Variants in HAUS8 observed in about 807,000 individuals in gnomAD.
The protein encoded by HAUS8 is HAUS augmin-like complex subunit 8.
In HAUS8, 38 loss-of-function variants were observed where a neutral mutation model predicts 42.9. That is an observed-to-expected ratio of 0.89 (90% CI 0.68 to 1.16). The LOEUF is 1.16. HAUS8 is among the 50% of genes most tolerant of loss of function. The pLI is 0.00. For synonymous variants in HAUS8, 199 were observed against 205.8 expected, an observed-to-expected ratio of 0.97 and a Z score of 0.28; for missense variants, 494 against 511.6, an observed-to-expected ratio of 0.97 and a Z score of 0.33.
chr19:17,059,030 T>C (rs2057343716), intron 6 of HAUS8, among the ~76,000 whole-genome samples, 154 bp from the exon 7 acceptor site: 1 of 152,242 alleles, frequency 6.6e-6, no homozygotes, highest in African/African-American at 2.4e-5. Flanking sequence ...TGCTTCTATT[T>C]TCTTTTATTT....
intron 3 of HAUS8, among the ~76,000 whole-genome samples, chr19:17,066,434 T>A (rs1293210619): frequency 6.6e-6 from 1 of 152,160 alleles, no homozygotes; most frequent in Non-Finnish European, 1.5e-5. Flanking sequence ...CTGGTAAACC[T>A]AAGTGTTTCC....
rs1291489392 is a variant in HAUS8 at position 17,052,870 on chromosome 19, C to T, written c.884G>A (p.Ser295Asn). The T allele has an allele frequency of 6.2e-7, 1 of 1,614,052 alleles. No homozygotes were observed. Among genetic ancestry groups the T allele is most frequent in the Non-Finnish European group, 8.5e-7 (1 of 1,180,048 alleles). ...TTTCGCCGTCACGTCCTTGAGTTCG[C>T]TCAGTAAGTCCAGCACCTGCACATT... is the stretch of plus-strand genomic sequence containing the variant. ...EENVQVLDLL[S>N]ELKDVTAKKD... Residue 295 changes from serine to asparagine, a missense_variant, in exon 10 of 11, where the codon AGC (serine) becomes AAC (asparagine). Transcript: ENST00000253669.
intron 2 of HAUS8, among the ~76,000 whole-genome samples, chr19:17,071,194 G>A (rs1160316485): frequency 1.3e-5 from 2 of 152,198 alleles, no homozygotes; most frequent in African/African-American, 2.4e-5. Context: ...TCAGCCAAGT[G>A]AGATTGTGAC....
chr19:17,049,840 A>T lies in HAUS8; in HGVS notation c.*33T>A, dbSNP rs778869266. ...TAGCTACAGTGCTACGGTAGTATAT[A>T]AAGTGCTCAAGTATCCTGAATGTAA... On this transcript the variant is annotated 3_prime_UTR_variant, in exon 11 of 11. Transcript: ENST00000253669. The T allele has an allele frequency of 7.1e-7, 1 of 1,414,094 alleles. No individual in the cohort carries two copies. Among genetic ancestry groups the T allele is most frequent in the Non-Finnish European group, 9.3e-7 (1 of 1,072,488 alleles). The allele number at this position is 1,414,094 out of a possible 1,614,324, so 87.6% of individuals were successfully genotyped here.
intron 3 of HAUS8, among the ~76,000 whole-genome samples, chr19:17,065,947 C>G (rs13346655): frequency 0.32 from 48,323 of 149,830 alleles, 8,209 homozygotes; most frequent in South Asian, 0.45. Flanking sequence ...CCCCCCATAT[C>G]TCACTCTACA....
At chr19:17,065,690 G>C (rs1022426131) in intron 3 of HAUS8, among the ~76,000 whole-genome samples, 5 of 152,084 alleles carry the variant, frequency 3.3e-5, no homozygotes, top group Non-Finnish European at 7.4e-5. Flanking sequence ...AGCTGGGTGT[G>C]GTGGCATGCG....
rs771354943 is a variant in HAUS8, at chr19:17,052,843, T to C, written c.911A>G (p.Lys304Arg). 4.3e-6 allele frequency: 7 copies of C among 1,613,764 alleles called. No individual in the cohort carries two copies. The South Asian group carries it at 7.7e-5, about 18-fold the overall frequency. Residue 304 changes from lysine to arginine, a missense_variant, in exon 10 of 11, where the codon AAG becomes AGG. Transcript: ENST00000253669. ...GAGGTACCTTCGGAGCTCAAGGTCC[T>C]TTTTCGCCGTCACGTCCTTGAGTTC... ...LSELKDVTAKKDLELRRSFAQ... is the reference protein window; with the variant it reads ...LSELKDVTAKRDLELRRSFAQ...
chr19:17,055,175 T>A (rs1272240704), intron 9 of HAUS8: 3 of 49,310 alleles, frequency 6.1e-5, no homozygotes, highest in African/African-American at 2.0e-4. Context: ...TATATATATA[T>A]ATATATATAT....
rs1257110635 is a variant in HAUS8 at position 17,052,970 on chromosome 19, G to C, written c.788-4C>G. On this transcript the variant is annotated splice_region_variant and splice_polypyrimidine_tract_variant and intron_variant, in intron 9 of 10. Coordinates refer to ENST00000253669, the MANE Select transcript of HAUS8 (RefSeq NM_033417.2). ...ACCAGTTCATGCTGCAGGGCGTCTG[G>C]AGGGGAAGAGGGATGGTGGGCGATG... is the stretch of plus-strand genomic sequence containing the variant. 1.2e-6 allele frequency: 2 copies of C among 1,613,956 alleles called. No individual in the cohort carries two copies. Among genetic ancestry groups the C allele is most frequent in the Non-Finnish European group, 8.5e-7 (1 of 1,179,942 alleles).
At chr19:17,070,776 T>C (rs572097516) in intron 2 of HAUS8, among the ~76,000 whole-genome samples, 1 of 152,308 alleles carries the variant, frequency 6.6e-6, no homozygotes, top group East Asian at 1.9e-4. Context: ...ATATGTCAAA[T>C]GAATGATTCT....
At position 17,059,568 on chromosome 19, in the gene HAUS8, T is replaced by TC; in HGVS notation, c.408dup (p.Lys137GlufsTer8). On this transcript the variant is annotated frameshift_variant, in exon 6 of 11. Transcript: ENST00000253669. LOFTEE classifies it high-confidence loss of function. ...TTTCAGACACTTACCGGGCTCTTTTTCCGAGGGGCAGAAAATGATGTTGAC... is the reference window on the plus strand; with the variant it reads ...TTTCAGACACTTACCGGGCTCTTTTTCCCGAGGGGCAGAAAATGATGTTGAC... 1 of 1,613,358 alleles carries TC rather than the reference T, an allele frequency of 6.2e-7. No individual in the cohort carries two copies. Among genetic ancestry groups the TC allele is most frequent in the Non-Finnish European group, 8.5e-7 (1 of 1,179,444 alleles).
rs1011865946 is a variant in HAUS8 at position 17,059,493 on chromosome 19, G to C, written c.420+64C>G. 2.2e-4 allele frequency: 254 copies of C among 1,155,672 alleles called. 3 individuals are homozygous for C. Among genetic ancestry groups the C allele is most frequent in the Admixed American group, 3.5e-4 (19 of 54,406 alleles). 71.6% of individuals were successfully genotyped at this position (1,155,672 alleles called of 1,614,324 possible). ...CCGTGGGCACTCAGCATCTGGTTCA[G>C]AGTGGACTCTAAATCAGATCTATGC... On this transcript the variant is annotated intron_variant, in intron 6 of 10. Coordinates refer to ENST00000253669, the MANE Select transcript of HAUS8 (RefSeq NM_033417.2).
chr19:17,073,728 G>A, intron 1 of HAUS8: 1 of 216,030 alleles, frequency 4.6e-6, no homozygotes, highest in South Asian at 6.7e-5. Context: ...TTGACAGGCA[G>A]GTACGAGGAG....
chr19:17,067,204 CAA>C (rs113437145), intron 3 of HAUS8, among the ~76,000 whole-genome samples: 16 of 124,386 alleles, frequency 1.3e-4, no homozygotes, highest in East Asian at 2.5e-4. Flanking sequence ...GACTCCATCT[CAA>C]AAAAAAAAAA....
At chr19:17,062,268 A>G (rs1331246609) in intron 4 of HAUS8, among the ~76,000 whole-genome samples, 1 of 152,116 alleles carries the variant, frequency 6.6e-6, no homozygotes. Context: ...AGTAGCTGGG[A>G]TTATAGGCGT....
intron 3 of HAUS8, among the ~76,000 whole-genome samples, chr19:17,068,451 G>C (rs1229158815): frequency 1.3e-5 from 2 of 152,086 alleles, no homozygotes; most frequent in Non-Finnish European, 2.9e-5. Flanking sequence ...TCAGAATCCA[G>C]AAAGCGAATT....
At chr19:17,056,494 T>G (rs1393858732) in intron 8 of HAUS8, among the ~76,000 whole-genome samples, 4 of 152,078 alleles carry the variant, frequency 2.6e-5, no homozygotes, top group Non-Finnish European at 5.9e-5. Context: ...ACCTTACTGA[T>G]AGTAAACATT....
At chr19:17,060,470 G>A (rs983105872) in intron 4 of HAUS8, among the ~76,000 whole-genome samples, 1 of 152,158 alleles carries the variant, frequency 6.6e-6, no homozygotes, top group African/African-American at 2.4e-5. Flanking sequence ...TGACAATGGT[G>A]CAATCTCGGC....
chr19:17,075,092 G>C, intron 1 of HAUS8: 1 of 493,172 alleles, frequency 2.0e-6, no homozygotes, highest in Non-Finnish European at 3.7e-6. Flanking sequence ...ACGCCTACGA[G>C]GTTGAGCTGC....
Sources: allele counts gnomAD v4.1 joint callset (sites outside exome capture counted in the v4.1 genomes callset), GRCh38; gene constraint gnomAD v4.1.1; transcripts MANE v1.5; gene names NCBI Gene and HGNC (gene_info 2026-07-23, HGNC 2026-07-21).